CNTNAP5: variants seen among roughly 807,000 people sequenced by gnomAD.
The protein encoded by CNTNAP5 is contactin associated protein family member 5, also known as contactin-associated protein-like 5.
CNTNAP5 carries 72 observed loss-of-function variants against 150.2 expected under a neutral mutation model. That is an observed-to-expected ratio of 0.48 (90% confidence interval 0.40 to 0.58). CNTNAP5 has a LOEUF of 0.58. Among genes scored for constraint, CNTNAP5 ranks in the 20% least tolerant of loss-of-function variants. CNTNAP5 has a pLI of 0.00. For missense variants in CNTNAP5, 1,636 were observed against 1,626.2 expected (o/e 1.01, Z -0.10); for synonymous variants, 672 against 619.8 (o/e 1.08, Z -1.25).
intron 1 of CNTNAP5, among the ~76,000 whole-genome samples, chr2:124,194,315 CA>C (rs1685526821): frequency 7.3e-6 from 1 of 137,690 alleles, no homozygotes; most frequent in Non-Finnish European, 1.6e-5. Context: ...AACCACCCAC[CA>C]TAGCTATTAA....
At chr2:124,078,297 T>C (rs1446583909) in intron 1 of CNTNAP5, among the ~76,000 whole-genome samples, 1 of 152,234 alleles carries the variant, frequency 6.6e-6, no homozygotes, top group East Asian at 1.9e-4. Context: ...TCTACATCTG[T>C]AAATGTATTT....
chr2:124,068,692 T>C (rs1023845260), intron 1 of CNTNAP5, among the ~76,000 whole-genome samples: 1 of 151,510 alleles, frequency 6.6e-6, no homozygotes, highest in African/African-American at 2.4e-5. Context: ...GCAGTGAAAG[T>C]GACTCCTTCC....
At chr2:124,226,249 C>A (rs2104746478) in intron 2 of CNTNAP5, among the ~76,000 whole-genome samples, 1 of 151,640 alleles carries the variant, frequency 6.6e-6, no homozygotes, top group South Asian at 2.1e-4. Context: ...GTTCTGTTTT[C>A]TCCACCTCCT....
chr2:124,233,979 T>C (rs1281193661), intron 2 of CNTNAP5, among the ~76,000 whole-genome samples: 1 of 152,074 alleles, frequency 6.6e-6, no homozygotes, highest in Non-Finnish European at 1.5e-5. Flanking sequence ...AAATGTAATA[T>C]GCTCAACTGT....
intron 13 of CNTNAP5, among the ~76,000 whole-genome samples, chr2:124,707,062 GAGGAAGAGGAAGAAGAA>G (rs1679685184): frequency 7.4e-6 from 1 of 135,310 alleles, no homozygotes; most frequent in Admixed American, 7.3e-5. Context: ...AGGAGGAGGA[GAGGAAGAGGAAGAAGAA>G]GAAGAGGAAG....
intron 13 of CNTNAP5, among the ~76,000 whole-genome samples, chr2:124,733,834 A>AGG (rs1680325721): frequency 6.6e-6 from 1 of 152,310 alleles, no homozygotes; most frequent in African/African-American, 2.4e-5. Context: ...CACACTGCAG[A>AGG]TTTGGAAAGA....
chr2:124,344,144 AAG>A (rs1308281606), intron 3 of CNTNAP5, among the ~76,000 whole-genome samples: 4 of 152,142 alleles, frequency 2.6e-5, no homozygotes, highest in African/African-American at 9.7e-5. Flanking sequence ...GAATTTCAAA[AAG>A]AGTTTTGATT....
At chr2:124,650,663 G>T (rs1227449267) in intron 13 of CNTNAP5, among the ~76,000 whole-genome samples, 3 of 152,172 alleles carry the variant, frequency 2.0e-5, no homozygotes, top group Non-Finnish European at 2.9e-5. Context: ...TGTGGTCTAT[G>T]CTGGGAAGAG....
At chr2:124,783,458 C>A (rs528515227) in intron 17 of CNTNAP5, among the ~76,000 whole-genome samples, 100 of 152,162 alleles carry the variant, frequency 6.6e-4, no homozygotes, top group African/African-American at 2.3e-3. Context: ...TGCTTGTAAT[C>A]CTCCTCCAAG....
intron 13 of CNTNAP5, among the ~76,000 whole-genome samples, chr2:124,685,771 T>C (rs990117548): frequency 1.5e-5 from 2 of 137,824 alleles, no homozygotes; most frequent in Middle Eastern, 3.7e-3. Context: ...TGCGCGCGCG[T>C]GTTATTGAGC....
At chr2:124,134,279 C>T (rs1025301401) in intron 1 of CNTNAP5, among the ~76,000 whole-genome samples, 12 of 151,112 alleles carry the variant, frequency 7.9e-5, no homozygotes, top group African/African-American at 1.7e-4. Context: ...ATTACAAGAA[C>T]GATGAAACTG....
intron 6 of CNTNAP5, among the ~76,000 whole-genome samples, chr2:124,460,994 T>A (rs1189416622): frequency 6.6e-6 from 1 of 152,124 alleles, no homozygotes; most frequent in African/African-American, 2.4e-5. Flanking sequence ...CTCACACCAG[T>A]TAAAATGGCA....
At chr2:124,663,785 A>G (rs1328561345) in intron 13 of CNTNAP5, among the ~76,000 whole-genome samples, 1 of 152,164 alleles carries the variant, frequency 6.6e-6, no homozygotes, top group Non-Finnish European at 1.5e-5. Context: ...CTGAAAAACA[A>G]GAGTCCATGA....
chr2:124,537,021 G>GGTGT (rs1041910395), intron 10 of CNTNAP5, among the ~76,000 whole-genome samples: 2 of 151,194 alleles, frequency 1.3e-5, no homozygotes, highest in African/African-American at 4.9e-5. Context: ...GACAATGTGT[G>GGTGT]GTGTGTGTGT....
At chr2:124,876,528 G>A (rs1677864458) in intron 21 of CNTNAP5, among the ~76,000 whole-genome samples, 1 of 151,878 alleles carries the variant, frequency 6.6e-6, no homozygotes, top group African/African-American at 2.4e-5. Context: ...GGAAAGGATT[G>A]TGCCGGTGTG....
At chr2:124,775,861 T>A (rs570176286) in intron 17 of CNTNAP5, among the ~76,000 whole-genome samples, 1 of 152,246 alleles carries the variant, frequency 6.6e-6, no homozygotes, top group South Asian at 2.1e-4. Context: ...CCTTCTGCTT[T>A]GTTATTCCCC....
At chr2:124,041,193 G>A (rs1681362294) in intron 1 of CNTNAP5, among the ~76,000 whole-genome samples, 1 of 152,170 alleles carries the variant, frequency 6.6e-6, no homozygotes, top group Non-Finnish European at 1.5e-5. Flanking sequence ...CTCTATTGAT[G>A]TTCTCACCCT....
At chr2:124,250,626 T>C (rs1687148109) in intron 3 of CNTNAP5, among the ~76,000 whole-genome samples, 1 of 151,904 alleles carries the variant, frequency 6.6e-6, no homozygotes, top group South Asian at 2.1e-4. Flanking sequence ...ACCATTCGCA[T>C]AGAGTCCTGG....
chr2:124,865,720 C>A (rs1447990339), intron 20 of CNTNAP5, among the ~76,000 whole-genome samples: 1 of 151,974 alleles, frequency 6.6e-6, no homozygotes, highest in African/African-American at 2.4e-5. Flanking sequence ...CTGAGGCGGG[C>A]AGATCAAGAG....
Sources: gnomAD v4.1 joint callset for allele counts (sites outside exome capture counted in the v4.1 genomes callset) on GRCh38, gnomAD v4.1.1 for gene constraint, MANE v1.5 for transcripts, NCBI Gene and HGNC (gene_info 2026-07-23, HGNC 2026-07-21) for gene names.